The following SLC38A9 variants were observed in gnomAD, a reference collection of about 807,000 sequenced individuals.
SLC38A9 encodes solute carrier family 38 member 9.
SLC38A9 carries 48 observed loss-of-function variants against 62.3 expected under a neutral mutation model. The observed-to-expected ratio is 0.77, with a 90% CI of 0.61 to 0.98. The LOEUF (loss-of-function observed/expected upper bound fraction) is 0.98. Ranked by LOEUF, SLC38A9 falls within the 50% of genes least tolerant of loss-of-function variation. The pLI, the probability that SLC38A9 is intolerant of heterozygous loss-of-function variation, is 0.00. For missense variants in SLC38A9, 541 were observed against 679.8 expected (o/e 0.80, Z 2.27); for synonymous variants, 204 against 227.7 (o/e 0.90, Z 0.94).
intron 3 of SLC38A9, among the ~76,000 whole-genome samples, chr5:55,689,030 T>A (rs1165181802): frequency 6.6e-6 from 1 of 152,178 alleles, no homozygotes; most frequent in African/African-American, 2.4e-5. Flanking sequence ...AGTGTTATTT[T>A]AAAAAGCTAG....
chr5:55,650,546 A>C (rs1747202123), intron 10 of SLC38A9, among the ~76,000 whole-genome samples: 1 of 152,170 alleles, frequency 6.6e-6, no homozygotes, highest in African/African-American at 2.4e-5. Context: ...TGGCAAGCAA[A>C]TCAGGAAACC....
At chr5:55,647,445 C>T (rs1746587195) in intron 11 of SLC38A9, among the ~76,000 whole-genome samples, 1 of 151,926 alleles carries the variant, frequency 6.6e-6, no homozygotes, top group Admixed American at 6.6e-5. Flanking sequence ...ATAAAAAGTC[C>T]ACTGACTCTG....
At chr5:55,665,712 C>T (rs996890905) in intron 7 of SLC38A9, among the ~76,000 whole-genome samples, 2 of 152,064 alleles carry the variant, frequency 1.3e-5, no homozygotes, top group Non-Finnish European at 2.9e-5. Context: ...GTCTGTAATC[C>T]TAGCACTTTG....
chr5:55,672,853 G>C (rs1234661115), intron 3 of SLC38A9, 158 bp from the exon 4 acceptor site: 1 of 646,000 alleles, frequency 1.5e-6, no homozygotes, highest in Admixed American at 3.2e-5. Context: ...TGTTACAAAA[G>C]AAGTATTATC....
At chr5:55,696,716 C>CCTCG (rs1755846680) in intron 3 of SLC38A9, 1 of 146,156 alleles carries the variant, frequency 6.8e-6, no homozygotes. Flanking sequence ...CCCCCACCTC[C>CCTCG]CTCCCGGACG....
At chr5:55,658,033 A>G (rs1368645160) in intron 8 of SLC38A9, 6 of 152,198 alleles carry the variant, frequency 3.9e-5, no homozygotes, top group Non-Finnish European at 8.8e-5. Flanking sequence ...CTTACCCCAA[A>G]TTTATGTCCA....
chr5:55,686,578 A>G (rs547316769), intron 3 of SLC38A9, among the ~76,000 whole-genome samples: 24 of 152,044 alleles, frequency 1.6e-4, no homozygotes, highest in South Asian at 4.2e-4. Context: ...TTGTCTGTTT[A>G]CTCCATTGAT....
chr5:55,689,357 T>C lies in SLC38A9; in HGVS notation c.113+8489A>G, dbSNP rs566928346. On this transcript the variant is annotated intron_variant, in intron 3 of 15. Coordinates refer to ENST00000396865, the MANE Select transcript of SLC38A9 (RefSeq NM_173514.4). Reference sequence around the variant, plus strand: ...GCCAAAGATGCATAATCTCAATGTGTAATTTTCACACCAATTCCTTATCAT... The same window carrying C: ...GCCAAAGATGCATAATCTCAATGTGCAATTTTCACACCAATTCCTTATCAT... Among the ~76,000 whole-genome samples the C allele has an allele frequency of 2.0e-5, 3 of 152,336 alleles. No homozygotes were observed. In the South Asian group the frequency reaches 6.2e-4, roughly 32 times the overall value.
intron 4 of SLC38A9, among the ~76,000 whole-genome samples, chr5:55,671,606 C>A (rs1229311490): frequency 6.6e-6 from 1 of 151,108 alleles, no homozygotes; most frequent in African/African-American, 2.4e-5. Flanking sequence ...GCCTGTAATC[C>A]CAGCACCTCA....
intron 8 of SLC38A9, among the ~76,000 whole-genome samples, chr5:55,659,815 G>A (rs1373098950): frequency 6.6e-6 from 1 of 151,446 alleles, no homozygotes; most frequent in African/African-American, 2.4e-5. Context: ...GCCCAGGCTG[G>A]AGTGCAGTGG....
intron 11 of SLC38A9, 25 bp downstream of exon 11, chr5:55,649,181 AT>A: frequency 1.5e-6 from 2 of 1,309,882 alleles, no homozygotes; most frequent in Non-Finnish European, 2.1e-6. Context: ...CATTATTATA[AT>A]TTATTATTTT....
At chr5:55,690,756 G>T (rs11949740) in intron 3 of SLC38A9, among the ~76,000 whole-genome samples, 1 of 62,850 alleles carries the variant, frequency 1.6e-5, no homozygotes, top group East Asian at 3.7e-4. Flanking sequence ...AAATATCATT[G>T]TACTAGATTC....
intron 14 of SLC38A9, chr5:55,633,410 TAA>T (rs1166777489): frequency 1.2e-5 from 2 of 166,566 alleles, no homozygotes; most frequent in Non-Finnish European, 2.6e-5. Flanking sequence ...GACCAATAAT[TAA>T]AAGTGTTGCT....
rs80327963 is a variant in SLC38A9 at position 55,660,441 on chromosome 5, GTTCTT to G, written c.698-3672_698-3668del. Among the ~76,000 whole-genome samples, 689 of 152,134 alleles carry G rather than the reference GTTCTT, an allele frequency of 4.5e-3. 5 individuals carry two copies. The highest frequency in any genetic ancestry group is 5.5e-3 in the Non-Finnish European group (374 of 67,998). On this transcript the variant is annotated intron_variant, in intron 8 of 15. Coordinates refer to ENST00000396865, the MANE Select transcript of SLC38A9 (RefSeq NM_173514.4). ...AAAAAAACATTCAAAATGTAATTAG[GTTCTT>G]TTATAACAGCAACAAATAATTTGAA...
intron 3 of SLC38A9, among the ~76,000 whole-genome samples, chr5:55,678,662 T>C (rs903454874): frequency 5.9e-4 from 82 of 139,306 alleles, no homozygotes; most frequent in African/African-American, 2.1e-3. Flanking sequence ...TTTTTTTTTT[T>C]TTTTTTTTTT....
rs80033002 is a variant in SLC38A9 at position 55,657,561 on chromosome 5, A to G, written c.698-787T>C. On this transcript the variant is annotated intron_variant, in intron 8 of 15. Coordinates refer to ENST00000396865, the MANE Select transcript of SLC38A9 (RefSeq NM_173514.4). ...AGGCCATATACGAATTGTTATTTAC[A>G]TAAGAACCACTGAGTTAGACTAAAG... 6.8e-3 allele frequency among the ~76,000 whole-genome samples: 1,036 copies of G among 151,246 alleles called. 11 individuals are homozygous for G. The highest frequency in any genetic ancestry group is 0.024 in the African/African-American group (998 of 41,288).
At position 55,652,570 on chromosome 5, in the gene SLC38A9, T is replaced by C. The variant is rs1438379573; in HGVS notation, c.911A>G (p.Asn304Ser). 1.4e-5 allele frequency: 23 copies of C among 1,606,488 alleles called. No homozygotes were observed. The highest frequency in any genetic ancestry group is 1.7e-5 in the Admixed American group (1 of 58,406). Residue 304 changes from asparagine (N) to serine (S), a missense_variant, in exon 10 of 16, where the codon AAT (asparagine) becomes AGT (serine). Transcript: ENST00000396865. ...YLVGLLLPLL[N>S]FKSPSFFSKF... ...TGAAAAAAATGAAGGAGACTTGAAATTGAGCAGTGGGAGGAGGAGCCCTAC... is the reference window on the plus strand; with the variant it reads ...TGAAAAAAATGAAGGAGACTTGAAACTGAGCAGTGGGAGGAGGAGCCCTAC...
rs116917881 is a variant in SLC38A9 at position 55,701,336 on chromosome 5, G to A, written c.-34-3344C>T. ...CTAACATGTCCAAAATGGAATTTCT[G>A]ATTTTCTTCCCCCAAAACTACCCCA... is the stretch of plus-strand genomic sequence containing the variant. On this transcript the variant is annotated intron_variant, in intron 2 of 15. Coordinates refer to ENST00000396865, the MANE Select transcript of SLC38A9 (RefSeq NM_173514.4). Among the ~76,000 whole-genome samples the A allele has an allele frequency of 1.1e-4, 16 of 152,186 alleles. No individual in the cohort carries two copies. In the East Asian group the frequency reaches 3.1e-3, roughly 29 times the overall value.
rs1325434863 is a variant in SLC38A9 at position 55,656,750 on chromosome 5, G to C, written c.722C>G (p.Thr241Arg). The C allele has an allele frequency of 1.9e-6, 3 of 1,585,814 alleles. No homozygotes were observed. Among genetic ancestry groups the C allele is most frequent in the Middle Eastern group, 1.7e-4 (1 of 5,982 alleles). The change falls in exon 9 of 16, where the codon ACA becomes AGA. Residue 241 changes from threonine to arginine, a missense_variant. Coordinates refer to ENST00000396865, the MANE Select transcript of SLC38A9 (RefSeq NM_173514.4). ...IFNFIHHIND[T>R]DTILSTNNSN... ...ATTATTGGTACTCAGTATAGTGTCT[G>C]TGTCATTAATGTGATGAATAAAATC...
Sources: gnomAD v4.1 joint callset for allele counts (sites outside exome capture counted in the v4.1 genomes callset) on GRCh38, gnomAD v4.1.1 for gene constraint, MANE v1.5 for transcripts, NCBI Gene and HGNC (gene_info 2026-07-23, HGNC 2026-07-21) for gene names.